Variants in ATXN1 observed in about 807,000 individuals in gnomAD.
ATXN1 encodes the protein ataxin 1.
In ATXN1, 8 loss-of-function variants were observed where a neutral mutation model predicts 56.4. That is an observed-to-expected ratio of 0.14 (90% CI 0.08 to 0.26). The LOEUF is 0.26. ATXN1 is among the 10% of genes least tolerant of loss of function. The pLI is 1.00. For missense variants in ATXN1, 987 were observed against 1,106.5 expected, an observed-to-expected ratio of 0.89 and a Z score of 1.53; for synonymous variants, 514 against 494.6, an observed-to-expected ratio of 1.04 and a Z score of -0.52.
intron 6 of ATXN1, among the ~76,000 whole-genome samples, chr6:16,461,763 C>T (rs1760003489): frequency 6.6e-6 from 1 of 152,182 alleles, no homozygotes; most frequent in Non-Finnish European, 1.5e-5. Context: ...ATTTCCAGGG[C>T]ACTAGGGATA....
At chr6:16,346,453 G>GTAA (rs1220669112) in intron 6 of ATXN1, among the ~76,000 whole-genome samples, 1 of 152,178 alleles carries the variant, frequency 6.6e-6, no homozygotes, top group East Asian at 1.9e-4. Flanking sequence ...GTGGAAGAGA[G>GTAA]GTTATAGTGA....
intron 6 of ATXN1, among the ~76,000 whole-genome samples, chr6:16,484,747 T>C (rs1760506539): frequency 6.6e-6 from 1 of 152,198 alleles, no homozygotes; most frequent in Non-Finnish European, 1.5e-5. Flanking sequence ...TGGATACATA[T>C]GCATATTTTA....
intron 2 of ATXN1, among the ~76,000 whole-genome samples, chr6:16,744,457 T>C (rs1345475771): frequency 1.3e-5 from 2 of 152,080 alleles, no homozygotes; most frequent in Non-Finnish European, 2.9e-5. Flanking sequence ...CTGATCTCTC[T>C]AGGCCCTAGT....
intron 3 of ATXN1, among the ~76,000 whole-genome samples, chr6:16,589,932 T>A (rs530499618): frequency 6.6e-6 from 1 of 152,354 alleles, no homozygotes; most frequent in Non-Finnish European, 1.5e-5. Flanking sequence ...ATCTGTGATA[T>A]ATGTGTGAAG....
At chr6:16,596,351 A>G (rs1207667203) in intron 3 of ATXN1, among the ~76,000 whole-genome samples, 2 of 152,274 alleles carry the variant, frequency 1.3e-5, no homozygotes, top group South Asian at 2.1e-4. Flanking sequence ...GCTGATTTGC[A>G]TATCTAAAAT....
Position 16,305,722 on chromosome 6 carries a change from G to A in ATXN1, c.*607C>T, listed in dbSNP as rs1030636606. 6.5e-5 allele frequency: 10 copies of A among 152,802 alleles called. No homozygotes were observed. Among genetic ancestry groups the A allele is most frequent in the African/African-American group, 2.4e-4 (10 of 41,474 alleles). 9.5% of individuals were successfully genotyped at this position (152,802 alleles called of 1,614,324 possible). A position where few individuals can be genotyped will look rare whatever the true frequency, so the allele number is the denominator to read the frequency against. On this transcript the variant is annotated 3_prime_UTR_variant, in exon 8 of 8. Transcript: ENST00000436367. Reference sequence around the variant, plus strand: ...TGCTTTTATTGTAAAATATGTTGGAGAGAAAAATGTTCTTTTAAATGGTTA... The same window carrying A: ...TGCTTTTATTGTAAAATATGTTGGAAAGAAAAATGTTCTTTTAAATGGTTA...
At chr6:16,611,117 T>C (rs371997739) in intron 3 of ATXN1, among the ~76,000 whole-genome samples, 12 of 152,198 alleles carry the variant, frequency 7.9e-5, no homozygotes, top group African/African-American at 2.7e-4. Context: ...AGATAATCCT[T>C]ATTAAGAAAA....
At position 16,634,091 on chromosome 6, in the gene ATXN1, G is replaced by A. The variant is rs969567310; in HGVS notation, c.-489+23685C>T. Among the ~76,000 whole-genome samples the A allele has an allele frequency of 2.0e-5, 3 of 152,160 alleles. 1 individual carries two copies. The highest frequency in any genetic ancestry group is 4.1e-4 in the South Asian group (2 of 4,824). On this transcript the variant is annotated intron_variant, in intron 3 of 7. Coordinates refer to ENST00000436367, the MANE Select transcript of ATXN1 (RefSeq NM_001128164.2). ...GTTTCTTGATGTTTAACTCTCACAA[G>A]CAATTATCTCCAGCTTGAAATGCCC...
At chr6:16,725,815 G>A (rs17670763) in intron 2 of ATXN1, among the ~76,000 whole-genome samples, 6,523 of 152,218 alleles carry the variant, frequency 0.043, 269 homozygotes, top group Admixed American at 0.12. Flanking sequence ...AAGCTTAAGC[G>A]CTCCTAAGGG....
chr6:16,713,228 C>T (rs1375745978), intron 2 of ATXN1, among the ~76,000 whole-genome samples: 6 of 152,172 alleles, frequency 3.9e-5, no homozygotes, highest in African/African-American at 1.4e-4. Context: ...AGAGGGACCG[C>T]TCCATGAATA....
intron 6 of ATXN1, among the ~76,000 whole-genome samples, chr6:16,340,012 A>C (rs1172758183): frequency 6.6e-6 from 1 of 152,150 alleles, no homozygotes; most frequent in Non-Finnish European, 1.5e-5. Context: ...CGATCTCTTG[A>C]CTTCGCGGTC....
At chr6:16,446,322 C>CT in intron 6 of ATXN1, among the ~76,000 whole-genome samples, 1 of 152,332 alleles carries the variant, frequency 6.6e-6, no homozygotes, top group African/African-American at 2.4e-5. Flanking sequence ...TAAATGTCTT[C>CT]TTTTGAGAAG....
At chr6:16,480,383 C>T (rs1760413680) in intron 6 of ATXN1, among the ~76,000 whole-genome samples, 1 of 152,044 alleles carries the variant, frequency 6.6e-6, no homozygotes, top group Admixed American at 6.6e-5. Context: ...TCTCTAAATA[C>T]ACATATATAT....
intron 2 of ATXN1, among the ~76,000 whole-genome samples, chr6:16,746,171 A>C (rs1451101991): frequency 5.3e-5 from 8 of 152,154 alleles, no homozygotes; most frequent in Admixed American, 1.3e-4. Context: ...TTCAAGCCTC[A>C]ATCTCCCTGA....
chr6:16,544,153 G>A (rs548250266), intron 4 of ATXN1, among the ~76,000 whole-genome samples: 1 of 152,316 alleles, frequency 6.6e-6, no homozygotes, highest in African/African-American at 2.4e-5. Context: ...CATGCTCCAG[G>A]TCTCCGATTC....
intron 3 of ATXN1, among the ~76,000 whole-genome samples, chr6:16,611,302 G>A (rs138923020): frequency 2.2e-3 from 337 of 152,178 alleles, no homozygotes; most frequent in African/African-American, 7.6e-3. Context: ...AGAAATATAG[G>A]TCATATTTAG....
At chr6:16,324,772 G>A (rs940496114) in intron 7 of ATXN1, among the ~76,000 whole-genome samples, 3 of 152,228 alleles carry the variant, frequency 2.0e-5, no homozygotes, top group African/African-American at 7.2e-5. Context: ...GATTGAAGGA[G>A]CCTGTGGAAA....
chr6:16,600,854 AG>A (rs1391292629), intron 3 of ATXN1, among the ~76,000 whole-genome samples: 1 of 152,206 alleles, frequency 6.6e-6, no homozygotes, highest in Non-Finnish European at 1.5e-5. Context: ...CGCTGGGGTA[AG>A]GTATATGTCT....
At chr6:16,484,260 C>G (rs1045944567) in intron 6 of ATXN1, among the ~76,000 whole-genome samples, 3 of 152,014 alleles carry the variant, frequency 2.0e-5, no homozygotes, top group Non-Finnish European at 4.4e-5. Context: ...TGGTGAAACT[C>G]TGTCTCTACC....
Sources: allele counts gnomAD v4.1 joint callset (sites outside exome capture counted in the v4.1 genomes callset), GRCh38; gene constraint gnomAD v4.1.1; transcripts MANE v1.5; gene names NCBI Gene and HGNC (gene_info 2026-07-23, HGNC 2026-07-21).